PLCE1: variants seen among roughly 807,000 people sequenced by gnomAD.
PLCE1 encodes the protein phospholipase C epsilon 1, also known as 1-phosphatidylinositol 4,5-bisphosphate phosphodiesterase epsilon-1.
A neutral mutation model predicts 242.8 loss-of-function variants in PLCE1; 119 were observed. The ratio of observed to expected loss-of-function variants is 0.49; its 90% CI spans 0.42 to 0.57. The LOEUF is 0.57. Ranked by LOEUF, PLCE1 falls within the 20% of genes least tolerant of loss-of-function variation. The pLI is 0.00. For missense variants in PLCE1, 2,441 were observed against 2,788.8 expected, an observed-to-expected ratio of 0.88 and a Z score of 2.81; for synonymous variants, 945 against 1,017.4, an observed-to-expected ratio of 0.93 and a Z score of 1.35.
intron 4 of PLCE1, among the ~76,000 whole-genome samples, chr10:94,194,974 G>C (rs555150772): frequency 6.6e-6 from 1 of 152,244 alleles, no homozygotes; most frequent in African/African-American, 2.4e-5. Context: ...TGAACTCCTT[G>C]ATGATTACAA....
chr10:93,994,886 A>G (rs1182942779), intron 1 of PLCE1, among the ~76,000 whole-genome samples: 8 of 152,220 alleles, frequency 5.3e-5, no homozygotes, highest in African/African-American at 1.9e-4. Context: ...TTAGTGATTA[A>G]TCAGTGTCAT....
chr10:94,127,987 CTTT>C (rs33916545), intron 2 of PLCE1, among the ~76,000 whole-genome samples: 2 of 118,302 alleles, frequency 1.7e-5, no homozygotes, highest in Non-Finnish European at 1.8e-5. Context: ...AATACCTTGA[CTTT>C]TTTTTTTTTT....
intron 2 of PLCE1, among the ~76,000 whole-genome samples, chr10:94,042,289 G>C (rs1361734236): frequency 1.3e-5 from 2 of 152,180 alleles, no homozygotes. Flanking sequence ...AAGATGGTAA[G>C]TACTGGCTGG....
chr10:94,214,692 C>T (rs1196200031), intron 4 of PLCE1, among the ~76,000 whole-genome samples: 1 of 152,174 alleles, frequency 6.6e-6, no homozygotes, highest in Admixed American at 6.5e-5. Flanking sequence ...TCTACTTGCT[C>T]ACCATTCACA....
chr10:94,310,534 G>C (rs2053355711), intron 27 of PLCE1, among the ~76,000 whole-genome samples: 3 of 152,096 alleles, frequency 2.0e-5, no homozygotes, highest in Admixed American at 2.0e-4. Flanking sequence ...AGAGCACTTT[G>C]GCCAAAGTGG....
intron 4 of PLCE1, among the ~76,000 whole-genome samples, chr10:94,178,356 T>C (rs187319562): frequency 1.7e-3 from 257 of 152,240 alleles, no homozygotes; most frequent in Middle Eastern, 0.01. Context: ...CCCAGTTCTA[T>C]TGAGACCCCA....
chr10:94,267,619 T>C (rs1197237294), intron 16 of PLCE1, among the ~76,000 whole-genome samples: 2 of 152,232 alleles, frequency 1.3e-5, no homozygotes, highest in Non-Finnish European at 2.9e-5. Flanking sequence ...TTACACAGAC[T>C]TTGGTGAAGA....
At chr10:94,135,955 G>A (rs981273632) in intron 3 of PLCE1, among the ~76,000 whole-genome samples, 8 of 152,158 alleles carry the variant, frequency 5.3e-5, no homozygotes, top group African/African-American at 1.9e-4. Context: ...TTTTCCTAAT[G>A]TTTTTTAACG....
Position 94,171,514 on chromosome 10 carries a change from G to C in PLCE1, c.1809+18G>C. ...TTAATGAGGTAAGAAGCCACTTTTTGATGTCTTGGTATTTGACTCACCCGT... is the reference window on the plus strand; with the variant it reads ...TTAATGAGGTAAGAAGCCACTTTTTCATGTCTTGGTATTTGACTCACCCGT... On this transcript the variant is annotated intron_variant, in intron 4 of 32. Transcript: ENST00000371380. 1.3e-6 allele frequency: 2 copies of C among 1,599,582 alleles called. No individual in the cohort carries two copies. The highest frequency in any genetic ancestry group is 1.7e-6 in the Non-Finnish European group (2 of 1,166,790).
At chr10:94,046,865 T>C (rs556926426) in intron 2 of PLCE1, among the ~76,000 whole-genome samples, 2 of 152,228 alleles carry the variant, frequency 1.3e-5, no homozygotes, top group South Asian at 2.1e-4. Flanking sequence ...TAAAGATTAG[T>C]AGACTTTTAT....
In PLCE1 at chr10:94,256,801, T is replaced by A. The variant is rs2051118022; in HGVS notation, c.3554+1752T>A. On this transcript the variant is annotated intron_variant, in intron 11 of 32. Coordinates refer to ENST00000371380, the MANE Select transcript of PLCE1 (RefSeq NM_016341.4). ...AGGGATCAGCACCCACTCAAGTGTT[T>A]TAAAACAGAAAGAAAACACAAGACA... Among the ~76,000 whole-genome samples the A allele has an allele frequency of 3.3e-5, 5 of 152,224 alleles. No individual in the cohort carries two copies. The South Asian group carries it at 1.0e-3, about 32-fold the overall frequency.
At position 94,308,623 on chromosome 10, in the gene PLCE1, T is replaced by A. The variant is rs1214596384; in HGVS notation, c.5927T>A (p.Leu1976Ter). 6.2e-7 allele frequency: 1 copy of A among 1,613,580 alleles called. No individual in the cohort carries two copies. Among genetic ancestry groups the A allele is most frequent in the South Asian group, 1.1e-5 (1 of 91,068 alleles). ...LQLRNLHNEV[L>*]EISSLFINSR... ...CTGCGAAACCTTCACAATGAAGTCT[T>A]GGAGATTTCTAGTTTATTCATTAAC... The change falls in exon 27 of 33, where the codon TTG becomes TAG. Residue 1976 changes from leucine (L) to a stop codon, truncating the protein, a stop_gained. Coordinates refer to ENST00000371380, the MANE Select transcript of PLCE1 (RefSeq NM_016341.4). LOFTEE classifies it high-confidence loss of function.
chr10:94,284,567 C>T lies in PLCE1; in HGVS notation c.4918-281C>T, dbSNP rs116911321. ...TCAAAAATTTGAGCCACGGAAGATA[C>T]ATAGTCAATCCTCTATTTATTTAAC... On this transcript the variant is annotated intron_variant, in intron 21 of 32. Transcript: ENST00000371380. Among the ~76,000 whole-genome samples the T allele has an allele frequency of 5.3e-3, 811 of 152,304 alleles. 4 individuals carry two copies. The highest frequency in any genetic ancestry group is 9.1e-3 in the Non-Finnish European group (621 of 68,032).
At chr10:94,236,885 T>C (rs1380291303) in intron 7 of PLCE1, among the ~76,000 whole-genome samples, 2 of 152,206 alleles carry the variant, frequency 1.3e-5, no homozygotes, top group Non-Finnish European at 2.9e-5. Context: ...TCTATGTATA[T>C]ATCTATTTCT....
chr10:94,085,442 T>A (rs2044782338), intron 2 of PLCE1, among the ~76,000 whole-genome samples: 2 of 152,242 alleles, frequency 1.3e-5, no homozygotes, highest in South Asian at 4.2e-4. Context: ...TTGAGGAATC[T>A]GTGGCGTCTC....
chr10:94,149,423 A>G (rs1461986929), intron 3 of PLCE1, among the ~76,000 whole-genome samples: 1 of 152,166 alleles, frequency 6.6e-6, no homozygotes, highest in Non-Finnish European at 1.5e-5. Context: ...AAGTAATAAA[A>G]ACAACAGCAA....
chr10:94,079,051 A>G (rs1325259557), intron 2 of PLCE1, among the ~76,000 whole-genome samples: 1 of 152,176 alleles, frequency 6.6e-6, no homozygotes, highest in Non-Finnish European at 1.5e-5. Flanking sequence ...ATGTGGACAG[A>G]GTTTTAATAT....
chr10:94,160,563 G>A (rs1398001896), intron 3 of PLCE1, among the ~76,000 whole-genome samples: 1 of 152,108 alleles, frequency 6.6e-6, no homozygotes, highest in Non-Finnish European at 1.5e-5. Context: ...CTCCCATTCT[G>A]CAGGTTGCCT....
At chr10:94,232,827 C>G (rs766013710) in intron 5 of PLCE1, among the ~76,000 whole-genome samples, 1 of 152,170 alleles carries the variant, frequency 6.6e-6, no homozygotes, top group African/African-American at 2.4e-5. Context: ...CAGGACATAT[C>G]TACTGGAATC....
Sources: allele counts gnomAD v4.1 joint callset (sites outside exome capture counted in the v4.1 genomes callset), GRCh38; gene constraint gnomAD v4.1.1; transcripts MANE v1.5; gene names NCBI Gene and HGNC (gene_info 2026-07-23, HGNC 2026-07-21).